MARK1: variants seen among roughly 807,000 people sequenced by gnomAD.
MARK1 encodes serine/threonine-protein kinase MARK1.
In MARK1, 40 loss-of-function variants were observed where a neutral mutation model predicts 96.3. That is an observed-to-expected ratio of 0.42 (90% CI 0.32 to 0.54). The LOEUF is 0.54. MARK1 is among the 20% of genes least tolerant of loss of function. The pLI is 0.16. For synonymous variants in MARK1, 317 were observed against 341.2 expected, an observed-to-expected ratio of 0.93 and a Z score of 0.78; for missense variants, 719 against 984.6, an observed-to-expected ratio of 0.73 and a Z score of 3.61.
At chr1:220,659,275 A>G (rs1462660206) in intron 17 of MARK1, among the ~76,000 whole-genome samples, 2 of 152,014 alleles carry the variant, frequency 1.3e-5, no homozygotes, top group Admixed American at 6.6e-5. Context: ...GAAAATGCCT[A>G]TTTTACAGAT....
chr1:220,661,799 C>T lies in MARK1; in HGVS notation c.2034-13C>T. 6.4e-7 allele frequency: 1 copy of T among 1,567,288 alleles called. No individual in the cohort carries two copies. The highest frequency in any genetic ancestry group is 8.7e-7 in the Non-Finnish European group (1 of 1,148,752). Reference sequence around the variant, plus strand: ...ATTTGCTTTCATTCTTTCCCTTTGCCCTCTTGTTCCAGAAGTACATCAGGG... The same window carrying T: ...ATTTGCTTTCATTCTTTCCCTTTGCTCTCTTGTTCCAGAAGTACATCAGGG... On this transcript the variant is annotated splice_polypyrimidine_tract_variant and intron_variant, in intron 17 of 17. Coordinates refer to ENST00000366917, the MANE Select transcript of MARK1 (RefSeq NM_018650.5).
chr1:220,639,631 G>C (rs1332443341), intron 13 of MARK1, among the ~76,000 whole-genome samples: 2 of 152,142 alleles, frequency 1.3e-5, no homozygotes, highest in Admixed American at 1.3e-4. Flanking sequence ...GTGGCAAAGA[G>C]GCAGGCTCCT....
intron 13 of MARK1, among the ~76,000 whole-genome samples, chr1:220,637,364 A>G (rs1274575696): frequency 6.6e-6 from 1 of 152,210 alleles, no homozygotes; most frequent in East Asian, 1.9e-4. Context: ...GGCAGATGAT[A>G]GGAGTAAGTT....
rs572612280 is a variant in MARK1 at position 220,659,933 on chromosome 1, G to A, written c.2034-1879G>A. Among the ~76,000 whole-genome samples, 36 of 152,146 alleles carry A rather than the reference G, an allele frequency of 2.4e-4. No homozygotes were observed. In the South Asian group the frequency reaches 5.4e-3, roughly 23 times the overall value. On this transcript the variant is annotated intron_variant, in intron 17 of 17. Coordinates refer to ENST00000366917, the MANE Select transcript of MARK1 (RefSeq NM_018650.5). ...CTCCCAAGTAGCTGGGATTACAGGC[G>A]CTTGCCACCACACCTGGCTAATTTT...
chr1:220,575,870 G>A (rs368827245), intron 1 of MARK1, among the ~76,000 whole-genome samples: 5 of 150,970 alleles, frequency 3.3e-5, no homozygotes, highest in East Asian at 2.0e-4. Flanking sequence ...CTCCAGAATC[G>A]TTTGTCGATC....
intron 9 of MARK1, among the ~76,000 whole-genome samples, chr1:220,620,647 A>T (rs1037476660): frequency 1.3e-5 from 2 of 152,160 alleles, no homozygotes; most frequent in African/African-American, 4.8e-5. Context: ...CATGTTGAGG[A>T]TTAAAATATT....
intron 1 of MARK1, among the ~76,000 whole-genome samples, chr1:220,536,552 CCT>C (rs368259099): frequency 6.6e-6 from 1 of 151,730 alleles, no homozygotes; most frequent in African/African-American, 2.4e-5. Flanking sequence ...TTTAACCAGT[CCT>C]CTCTCTCTTT....
At chr1:220,629,128 T>G (rs1270352488) in intron 9 of MARK1, among the ~76,000 whole-genome samples, 1 of 152,072 alleles carries the variant, frequency 6.6e-6, no homozygotes, top group Admixed American at 6.6e-5. Flanking sequence ...GGAAGTTATT[T>G]TTCTAATTAG....
At chr1:220,585,409 A>G (rs1264039629) in intron 3 of MARK1, among the ~76,000 whole-genome samples, 3 of 152,206 alleles carry the variant, frequency 2.0e-5, no homozygotes, top group African/African-American at 2.4e-5. Flanking sequence ...TGGCTAAAAT[A>G]TCAACAGTTT....
chr1:220,661,456 A>T (rs1269033737), intron 17 of MARK1, among the ~76,000 whole-genome samples: 1 of 152,268 alleles, frequency 6.6e-6, no homozygotes, highest in Non-Finnish European at 1.5e-5. Flanking sequence ...GTATATTTAC[A>T]AATAGAATAT....
Position 220,653,231 on chromosome 1 carries a change from C to T in MARK1, c.1867C>T (p.Arg623Cys), listed in dbSNP as rs763097427. ...TFHGEQLRER[R>C]SVAYNGPPAS... ...CCATGGTGAACAGCTCCGGGAGCGA[C>T]GCAGCGTTGCTTATAATGGGCCACC... Residue 623 changes from arginine (R) to cysteine (C), a missense_variant, in exon 16 of 18, where the codon CGC becomes TGC. Around this residue, in one of 4 missense-constraint regions of MARK1, gnomAD observed 501 missense variants for 588.3 expected, o/e 0.85. Coordinates refer to ENST00000366917, the MANE Select transcript of MARK1 (RefSeq NM_018650.5). The T allele has an allele frequency of 7.4e-6, 12 of 1,614,218 alleles. No homozygotes were observed. The highest frequency in any genetic ancestry group is 2.2e-5 in the East Asian group (1 of 44,880).
intron 6 of MARK1, among the ~76,000 whole-genome samples, chr1:220,604,780 A>G (rs1665967032): frequency 6.6e-6 from 1 of 152,112 alleles, no homozygotes; most frequent in Admixed American, 6.5e-5. Context: ...ATAAGCATAC[A>G]TATAAGTTAC....
In MARK1 at chr1:220,630,276, G is replaced by A. The variant is rs560586931; in HGVS notation, c.910-759G>A. On this transcript the variant is annotated intron_variant, in intron 9 of 17. Coordinates refer to ENST00000366917, the MANE Select transcript of MARK1 (RefSeq NM_018650.5). ...TGGAGAAATATCTGTTAATTACTTT[G>A]CCCATTTTTTATTCAGGTTATTTGT... Among the ~76,000 whole-genome samples, 8 of 152,172 alleles carry A rather than the reference G, an allele frequency of 5.3e-5. No homozygotes were observed. The South Asian group carries it at 1.0e-3, about 20-fold the overall frequency.
At chr1:220,548,226 A>G (rs963336356) in intron 1 of MARK1, among the ~76,000 whole-genome samples, 1 of 152,254 alleles carries the variant, frequency 6.6e-6, no homozygotes. Context: ...CATCTGAAGT[A>G]TATCGGAGAG....
intron 6 of MARK1, among the ~76,000 whole-genome samples, chr1:220,609,975 C>G (rs981770304): frequency 2.0e-5 from 3 of 152,254 alleles, no homozygotes; most frequent in East Asian, 3.9e-4. Flanking sequence ...CTCTGGCTCC[C>G]CTTAACACTT....
chr1:220,615,949 C>A lies in MARK1; in HGVS notation c.506C>A (p.Ala169Asp). 1 of 1,552,492 alleles carries A rather than the reference C, an allele frequency of 6.4e-7. No individual in the cohort carries two copies. Among genetic ancestry groups the A allele is most frequent in the African/African-American group, 1.4e-5 (1 of 73,388 alleles). ...ARAKFRQIVS[A>D]VQYCHQKYIV... ...AAATGTTTATTCCAGATTGTATCTG[C>A]TGTACAGTATTGTCATCAAAAGTAC... is the stretch of plus-strand genomic sequence containing the variant. Residue 169 changes from alanine to aspartate, a missense_variant, in exon 7 of 18, where the codon GCT (alanine) becomes GAT (aspartate). Physicochemically the swap from Ala to Asp is moderately radical, Grantham distance 126 (BLOSUM62 -2). Transcript: ENST00000366917.
intron 1 of MARK1, among the ~76,000 whole-genome samples, chr1:220,559,219 A>G (rs941687271): frequency 4.6e-5 from 7 of 152,232 alleles, no homozygotes; most frequent in African/African-American, 1.7e-4. Flanking sequence ...AGAGCAGCAA[A>G]GGGCAGTGAA....
chr1:220,605,442 TTAAA>T (rs1170818914), intron 6 of MARK1, among the ~76,000 whole-genome samples: 1 of 152,142 alleles, frequency 6.6e-6, no homozygotes, highest in Non-Finnish European at 1.5e-5. Flanking sequence ...AAGCTTACCC[TTAAA>T]TAAAGTATTA....
At chr1:220,551,252 G>A (rs192463364) in intron 1 of MARK1, among the ~76,000 whole-genome samples, 7 of 152,340 alleles carry the variant, frequency 4.6e-5, no homozygotes, top group South Asian at 2.1e-4. Flanking sequence ...TATGTCAAGC[G>A]TGAGTGCTGC....
Sources: gnomAD v4.1 joint callset for allele counts (sites outside exome capture counted in the v4.1 genomes callset) on GRCh38, gnomAD v4.1.1 for gene constraint, gnomAD v4.1.1 regional missense constraint, MANE v1.5 for transcripts, NCBI Gene and HGNC (gene_info 2026-07-23, HGNC 2026-07-21) for gene names.